Variants in MGA observed in about 807,000 individuals in gnomAD.
MGA encodes the protein MAX dimerization protein MGA.
In MGA, 40 loss-of-function variants were observed where a neutral mutation model predicts 261.1. The ratio of observed to expected loss-of-function variants is 0.15; its 90% CI spans 0.12 to 0.20. MGA has a LOEUF of 0.20. Among genes scored for constraint, MGA ranks in the 10% least tolerant of loss-of-function variants. The pLI is 1.00. For missense variants in MGA, 3,397 were observed against 3,630.5 expected (o/e 0.94, Z 1.65); for synonymous variants, 1,302 against 1,290.6 (o/e 1.01, Z -0.19).
chr15:41,639,068 A>C (rs2056770113), intron 1 of MGA, among the ~76,000 whole-genome samples: 1 of 152,068 alleles, frequency 6.6e-6, no homozygotes, highest in African/African-American at 2.4e-5. Flanking sequence ...CCAGGTCTCA[A>C]GTGATCTCAC....
Position 41,739,902 on chromosome 15 carries a change from T to A in MGA, c.4435-151T>A. 1 of 1,608,034 alleles carries A rather than the reference T, an allele frequency of 6.2e-7. No individual in the cohort carries two copies. Among genetic ancestry groups the A allele is most frequent in the Non-Finnish European group, 8.5e-7 (1 of 1,176,108 alleles). On this transcript the variant is annotated intron_variant, in intron 13 of 23. Transcript: ENST00000219905. Reference sequence around the variant, plus strand: ...ACAGAATTTCTCTTTGCCACTTGTTTCAGGTTAATGGTAAGAGTTACCCGC... The same window carrying A: ...ACAGAATTTCTCTTTGCCACTTGTTACAGGTTAATGGTAAGAGTTACCCGC...
intron 2 of MGA, among the ~76,000 whole-genome samples, chr15:41,679,122 G>A (rs1321411036): frequency 2.7e-5 from 4 of 146,768 alleles, no homozygotes; most frequent in Non-Finnish European, 4.5e-5. Context: ...TGCAACCTCC[G>A]CCTCCTGTGT....
chr15:41,682,137 G>C (rs2058714920), intron 2 of MGA, among the ~76,000 whole-genome samples: 2 of 151,962 alleles, frequency 1.3e-5, no homozygotes, highest in South Asian at 4.1e-4. Context: ...GGCTGGTCTC[G>C]AACTCCTGAC....
In MGA at chr15:41,696,632, A is replaced by G. The variant is rs2059560932; in HGVS notation, c.1622A>G (p.Gln541Arg). ...CATTCACCAGATCTCAGAGTGGTAC[A>G]AAAATATCCCTTACTGAAAGAGCCT... Residue 541 changes from glutamine to arginine, a missense_variant, in exon 3 of 24, where the codon CAA (glutamine) becomes CGA (arginine). By Grantham distance (43) the Gln-to-Arg change is conservative. Coordinates refer to ENST00000219905, the MANE Select transcript of MGA (RefSeq NM_001164273.2). The G allele has an allele frequency of 6.2e-7, 1 of 1,613,574 alleles. No homozygotes were observed. The highest frequency in any genetic ancestry group is 1.1e-5 in the South Asian group (1 of 91,012).
At chr15:41,678,633 G>A (rs2151066526) in intron 2 of MGA, among the ~76,000 whole-genome samples, 1 of 151,686 alleles carries the variant, frequency 6.6e-6, no homozygotes, top group South Asian at 2.1e-4. Context: ...CGGGCATGGT[G>A]GCGCACACCT....
intron 1 of MGA, among the ~76,000 whole-genome samples, chr15:41,626,731 CTA>C (rs2056464588): frequency 6.6e-6 from 1 of 152,090 alleles, no homozygotes; most frequent in East Asian, 1.9e-4. Flanking sequence ...CCTAAAAAAA[CTA>C]TTTTTTAAAA....
chr15:41,670,431 G>T lies in MGA; in HGVS notation c.1064+473G>T, dbSNP rs1360232465. Among the ~76,000 whole-genome samples the T allele has an allele frequency of 2.6e-5, 4 of 152,302 alleles. No individual in the cohort carries two copies. In the East Asian group the frequency reaches 7.7e-4, roughly 29 times the overall value. ...AAAGTAGAATGGTGGATGCCAGGGG[G>T]TAGAGAGAGACTGAAAGATGTTGGT... On this transcript the variant is annotated intron_variant, in intron 2 of 23. Coordinates refer to ENST00000219905, the MANE Select transcript of MGA (RefSeq NM_001164273.2).
At chr15:41,689,421 C>T (rs918153264) in intron 2 of MGA, among the ~76,000 whole-genome samples, 8 of 151,578 alleles carry the variant, frequency 5.3e-5, no homozygotes, top group African/African-American at 1.7e-4. Context: ...TCTCCTCTTT[C>T]CCTCTCTCCT....
chr15:41,666,544 T>C (rs1456366616), intron 1 of MGA, among the ~76,000 whole-genome samples: 1 of 152,250 alleles, frequency 6.6e-6, no homozygotes, highest in East Asian at 1.9e-4. Flanking sequence ...AGTAGACTCA[T>C]GTAAACAAAC....
rs1438620762 is a variant in MGA, at chr15:41,681,403, T to G, written c.1064+11445T>G. 3.9e-5 allele frequency among the ~76,000 whole-genome samples: 6 copies of G among 151,968 alleles called. No individual in the cohort carries two copies. In the East Asian group the frequency reaches 1.2e-3, roughly 29 times the overall value. On this transcript the variant is annotated intron_variant, in intron 2 of 23. Transcript: ENST00000219905. ...TAAATCCTTGTAGTATACTCTGTTT[T>G]TTTTTTTTTTTAATTCTGTTAGTGT... is the stretch of plus-strand genomic sequence containing the variant.
chr15:41,668,542 CTT>C (rs139036438), intron 1 of MGA, among the ~76,000 whole-genome samples: 4,969 of 152,052 alleles, frequency 0.033, 132 homozygotes, highest in South Asian at 0.07. Context: ...TGAATATACT[CTT>C]TTGTTTCTTT....
intron 9 of MGA, among the ~76,000 whole-genome samples, chr15:41,714,394 A>G (rs1261033600): frequency 1.3e-5 from 2 of 152,258 alleles, no homozygotes; most frequent in Non-Finnish European, 2.9e-5. Flanking sequence ...ATGAACATCC[A>G]TGTTCAAGAC....
chr15:41,760,651 G>T (rs751143988), intron 20 of MGA, 122 bp downstream of exon 20: 13 of 904,126 alleles, frequency 1.4e-5, no homozygotes, highest in Non-Finnish European at 2.0e-5. Flanking sequence ...TGTAACAGAT[G>T]AATATGGACT....
intron 17 of MGA, among the ~76,000 whole-genome samples, chr15:41,752,598 A>G (rs2062904305): frequency 7.9e-6 from 1 of 126,144 alleles, no homozygotes; most frequent in African/African-American, 3.0e-5. Context: ...TTTGTCGCCC[A>G]GGCTGGAGTG....
Position 41,668,872 on chromosome 15 carries a change from C to T in MGA, c.-23C>T. 3.3e-6 allele frequency: 5 copies of T among 1,511,234 alleles called. No homozygotes were observed. The highest frequency in any genetic ancestry group is 1.3e-5 in the South Asian group (1 of 76,056). The allele number at this position is 1,511,234 out of a possible 1,614,324, so 93.6% of individuals were successfully genotyped here. On this transcript the variant is annotated 5_prime_UTR_variant, in exon 2 of 24. Transcript: ENST00000219905. ...CTATGTGGTGATTACAGTTGTCTTA[C>T]TACTGAGTTTCCTACTGAAATCATG...
rs1310475472 is a variant in MGA, at chr15:41,768,530, A to G, written c.*1250A>G. 14 of 152,508 alleles carry G rather than the reference A, an allele frequency of 9.2e-5. 1 individual carries two copies. The highest frequency in any genetic ancestry group is 8.5e-4 in the Admixed American group (13 of 15,260). The allele number at this position is 152,508 out of a possible 1,614,324, so 9.4% of individuals were successfully genotyped here. Reference sequence around the variant, plus strand: ...TGGTGCACTTGAGGGGTCTCTTGGAAACTCCTAGGGGGTCAAGAATCACTA... The same window carrying G: ...TGGTGCACTTGAGGGGTCTCTTGGAGACTCCTAGGGGGTCAAGAATCACTA... On this transcript the variant is annotated 3_prime_UTR_variant, in exon 24 of 24. Coordinates refer to ENST00000219905, the MANE Select transcript of MGA (RefSeq NM_001164273.2).
chr15:41,694,576 G>C (rs970141520), intron 2 of MGA, among the ~76,000 whole-genome samples: 8 of 150,944 alleles, frequency 5.3e-5, no homozygotes, highest in Admixed American at 2.0e-4. Flanking sequence ...GCCCAGGCTG[G>C]AGTGCAGTGG....
intron 9 of MGA, among the ~76,000 whole-genome samples, chr15:41,718,032 T>G (rs1405637269): frequency 2.0e-5 from 3 of 151,022 alleles, no homozygotes; most frequent in Admixed American, 6.6e-5. Flanking sequence ...AAAAAAAAAT[T>G]AATGTTCTAA....
chr15:41,696,436 G>A lies in MGA; in HGVS notation c.1426G>A (p.Val476Ile). 2 of 1,613,970 alleles carry A rather than the reference G, an allele frequency of 1.2e-6. No individual in the cohort carries two copies. Among genetic ancestry groups the A allele is most frequent in the South Asian group, 1.1e-5 (1 of 91,076 alleles). The change falls in exon 3 of 24, where the codon GTC (valine) becomes ATC (isoleucine). Residue 476 changes from valine to isoleucine, a missense_variant. Around this residue, in one of 9 missense-constraint regions of MGA, gnomAD observed 563 missense variants for 563.6 expected, o/e 1.00. Transcript: ENST00000219905. ...AGTAGTCTATCTGGAGCCCTGTGCT[G>A]TCACCAGAAGCACAGTTAAGATTTC... is the stretch of plus-strand genomic sequence containing the variant.
Sources: allele counts gnomAD v4.1 joint callset (sites outside exome capture counted in the v4.1 genomes callset), GRCh38; gene constraint gnomAD v4.1.1; regional missense constraint gnomAD v4.1.1; transcripts MANE v1.5; gene names NCBI Gene and HGNC (gene_info 2026-07-23, HGNC 2026-07-21).